Variants in KDELR3 observed in about 807,000 individuals in gnomAD.
KDELR3 encodes KDEL endoplasmic reticulum protein retention receptor 3.
A neutral mutation model predicts 22.7 loss-of-function variants in KDELR3; 26 were observed. That is an observed-to-expected ratio of 1.15 (90% CI 0.84 to 1.59). The LOEUF is 1.59. Ranked by LOEUF, KDELR3 falls within the 40% of genes most tolerant of loss-of-function variation. KDELR3 has a pLI of 0.00. For synonymous variants in KDELR3, 120 were observed against 98.2 expected (o/e 1.22, Z -1.31); for missense variants, 289 against 251.1 (o/e 1.15, Z -1.02).
rs573089298 is a variant in KDELR3, at chr22:38,481,226, C to CTCTA, written c.374_377dup (p.Glu127SerfsTer20). 1.7e-5 allele frequency: 28 copies of CTCTA among 1,613,622 alleles called. No individual in the cohort carries two copies. The highest frequency in any genetic ancestry group is 2.4e-5 in the Non-Finnish European group (28 of 1,179,696). ...CTTTGGCTCAGATCCTCTGGACTTT[C>CTCTA]TCTATCTATCTGGAATCAGTGGCTA... On this transcript the variant is annotated frameshift_variant, in exon 4 of 5. Coordinates refer to ENST00000216014, the MANE Select transcript of KDELR3 (RefSeq NM_006855.4). LOFTEE classifies it high-confidence loss of function.
At chr22:38,472,349 C>A (rs1336204514) in intron 1 of KDELR3, among the ~76,000 whole-genome samples, 1 of 151,840 alleles carries the variant, frequency 6.6e-6, no homozygotes, top group Admixed American at 6.6e-5. Flanking sequence ...TGATGGTGGG[C>A]GCCTGTAATC....
At chr22:38,473,669 G>T (rs1231939236) in intron 1 of KDELR3, among the ~76,000 whole-genome samples, 2 of 152,084 alleles carry the variant, frequency 1.3e-5, no homozygotes, top group East Asian at 3.9e-4. Context: ...CATAACTTTT[G>T]TAACTAGAAA....
chr22:38,476,571 C>G (rs1165248798), intron 2 of KDELR3, among the ~76,000 whole-genome samples: 1 of 151,898 alleles, frequency 6.6e-6, no homozygotes, highest in East Asian at 1.9e-4. Flanking sequence ...GTGGCTCAGG[C>G]TGGGGTGCAG....
intron 2 of KDELR3, among the ~76,000 whole-genome samples, chr22:38,475,197 A>C (rs2089550189): frequency 6.6e-6 from 1 of 151,866 alleles, no homozygotes; most frequent in South Asian, 2.1e-4. Context: ...TATATTAAAC[A>C]TTCAATAAAG....
At chr22:38,468,430 G>T (rs1395883736) in intron 1 of KDELR3, 106 bp downstream of exon 1, 7 of 852,712 alleles carry the variant, frequency 8.2e-6, no homozygotes, top group Non-Finnish European at 1.3e-5. Context: ...TGGGGACTCC[G>T]GCGTGGGGGT....
rs2089498516 is a variant in KDELR3, at chr22:38,468,177, G to A, written c.-57G>A. ...CGGAGACGTGGCAGCCGCCCTGCCC[G>A]CCAGAAAGTTTCCTAGAAGTTTGCT... On this transcript the variant is annotated 5_prime_UTR_variant, in exon 1 of 5. Coordinates refer to ENST00000216014, the MANE Select transcript of KDELR3 (RefSeq NM_006855.4). 1.3e-6 allele frequency: 2 copies of A among 1,526,466 alleles called. No individual in the cohort carries two copies. Among genetic ancestry groups the A allele is most frequent in the South Asian group, 1.1e-5 (1 of 88,424 alleles). 94.6% of individuals were successfully genotyped at this position (1,526,466 alleles called of 1,614,324 possible).
At chr22:38,475,685 A>G (rs959768753) in intron 2 of KDELR3, among the ~76,000 whole-genome samples, 1 of 151,626 alleles carries the variant, frequency 6.6e-6, no homozygotes, top group Non-Finnish European at 1.5e-5. Context: ...GGAGTGCAGC[A>G]GCGCAATCTC....
chr22:38,468,109 T>G lies in KDELR3; in HGVS notation c.-125T>G. ...CGGCGCGCGGGTGCGATCGCGGAGC[T>G]GTGAGGCGCAGGCAGGGCTCTGGGG... On this transcript the variant is annotated 5_prime_UTR_variant, in exon 1 of 5. Transcript: ENST00000216014. The G allele has an allele frequency of 1.3e-6, 1 of 798,258 alleles. No individual in the cohort carries two copies. Among genetic ancestry groups the G allele is most frequent in the Non-Finnish European group, 2.1e-6 (1 of 484,140 alleles). The allele number at this position is 798,258 out of a possible 1,614,324, so 49.4% of individuals were successfully genotyped here. A position where few individuals can be genotyped will look rare whatever the true frequency, so the allele number is the denominator to read the frequency against.
Position 38,481,479 on chromosome 22 carries a change from G to A in KDELR3, c.604+15G>A. ...TGTGACCAAAGGTAGGTCCTGGGATGACAGCAATGCTGACACTGGCCTAAG... is the reference window on the plus strand; with the variant it reads ...TGTGACCAAAGGTAGGTCCTGGGATAACAGCAATGCTGACACTGGCCTAAG... On this transcript the variant is annotated intron_variant, in intron 4 of 4. Coordinates refer to ENST00000216014, the MANE Select transcript of KDELR3 (RefSeq NM_006855.4). The A allele has an allele frequency of 3.7e-6, 6 of 1,614,124 alleles. No individual in the cohort carries two copies. The highest frequency in any genetic ancestry group is 5.1e-6 in the Non-Finnish European group (6 of 1,180,024).
chr22:38,481,557 A>G, intron 4 of KDELR3, 93 bp downstream of exon 4: 1 of 1,574,966 alleles, frequency 6.3e-7, no homozygotes, highest in South Asian at 1.2e-5. Flanking sequence ...GTGAACAGTC[A>G]AGTCTCTGCC....
intron 2 of KDELR3, among the ~76,000 whole-genome samples, chr22:38,476,964 C>T (rs2089563840): frequency 6.6e-6 from 1 of 151,294 alleles, no homozygotes; most frequent in Admixed American, 6.6e-5. Flanking sequence ...GGGTGGAGTG[C>T]AGTGGCGCGA....
chr22:38,473,367 G>A (rs1471091895), intron 1 of KDELR3, among the ~76,000 whole-genome samples: 3 of 152,326 alleles, frequency 2.0e-5, no homozygotes, highest in East Asian at 1.9e-4. Context: ...TTTGAGTCCA[G>A]GAGATAGAGG....
chr22:38,469,174 C>T (rs1042423408), intron 1 of KDELR3, among the ~76,000 whole-genome samples: 1 of 152,182 alleles, frequency 6.6e-6, no homozygotes, highest in African/African-American at 2.4e-5. Flanking sequence ...AGGTGTCAAT[C>T]CAGGAAGTGT....
chr22:38,482,558 G>A lies in KDELR3; in HGVS notation c.*22G>A, dbSNP rs376426328. The A allele has an allele frequency of 1.1e-4, 175 of 1,593,932 alleles. No homozygotes were observed. Among genetic ancestry groups the A allele is most frequent in the Non-Finnish European group, 1.4e-4 (157 of 1,162,184 alleles). Reference sequence around the variant, plus strand: ...CTGAGGACCTTCAGAGACAGTCTACGCCTTAACAAGCACATGAAGGAAACT... The same window carrying A: ...CTGAGGACCTTCAGAGACAGTCTACACCTTAACAAGCACATGAAGGAAACT... On this transcript the variant is annotated 3_prime_UTR_variant, in exon 5 of 5. Coordinates refer to ENST00000216014, the MANE Select transcript of KDELR3 (RefSeq NM_006855.4).
chr22:38,479,910 T>G (rs2089587618), intron 3 of KDELR3, among the ~76,000 whole-genome samples, 159 bp downstream of exon 3: 1 of 152,198 alleles, frequency 6.6e-6, no homozygotes, highest in African/African-American at 2.4e-5. Context: ...TTACAATGCT[T>G]TAGTTGGAAA....
At chr22:38,472,704 T>C (rs1235058594) in intron 1 of KDELR3, among the ~76,000 whole-genome samples, 1 of 152,136 alleles carries the variant, frequency 6.6e-6, no homozygotes, top group Non-Finnish European at 1.5e-5. Flanking sequence ...TGTTTTGTTT[T>C]GTTTTGTTTT....
At chr22:38,472,964 G>A (rs1337443225) in intron 1 of KDELR3, among the ~76,000 whole-genome samples, 1 of 152,084 alleles carries the variant, frequency 6.6e-6, no homozygotes, top group African/African-American at 2.4e-5. Context: ...GCCTCCCAAA[G>A]TGTTGGATTA....
At chr22:38,475,228 C>A (rs2089550305) in intron 2 of KDELR3, among the ~76,000 whole-genome samples, 1 of 152,050 alleles carries the variant, frequency 6.6e-6, no homozygotes, top group Admixed American at 6.6e-5. Flanking sequence ...GTAATCCCAG[C>A]ACTTTGGGAG....
chr22:38,475,615 G>A (rs1022264305), intron 2 of KDELR3, among the ~76,000 whole-genome samples: 1 of 152,148 alleles, frequency 6.6e-6, no homozygotes, highest in African/African-American at 2.4e-5. Flanking sequence ...AAAGATCAAA[G>A]GACACACCTT....
Sources: allele counts gnomAD v4.1 joint callset (sites outside exome capture counted in the v4.1 genomes callset), GRCh38; gene constraint gnomAD v4.1.1; transcripts MANE v1.5; gene names NCBI Gene and HGNC (gene_info 2026-07-23, HGNC 2026-07-21).